VGLL4: variants seen among roughly 807,000 people sequenced by gnomAD.
VGLL4 encodes transcription cofactor vestigial-like protein 4.
VGLL4 carries 7 observed loss-of-function variants against 21.0 expected under a neutral mutation model. That is an observed-to-expected ratio of 0.33 (90% CI 0.19 to 0.63). The LOEUF is 0.63. Ranked by LOEUF, VGLL4 falls within the 20% of genes least tolerant of loss-of-function variation. The pLI is 0.78. For missense variants in VGLL4, 394 were observed against 425.7 expected (o/e 0.93, Z 0.66); for synonymous variants, 222 against 173.2 (o/e 1.28, Z -2.21).
chr3:11,568,436 C>T lies in VGLL4; in HGVS notation c.273-3417G>A, dbSNP rs906688976. 4.6e-5 allele frequency among the ~76,000 whole-genome samples: 7 copies of T among 152,234 alleles called. No homozygotes were observed. The highest frequency in any genetic ancestry group is 1.0e-4 in the Non-Finnish European group (7 of 68,028). On this transcript the variant is annotated intron_variant, in intron 2 of 4. Coordinates refer to ENST00000430365, the MANE Select transcript of VGLL4 (RefSeq NM_001128219.3). The surrounding 1 kb of genome is among the most constrained non-coding windows in gnomAD (Gnocchi z 5.9). ...CTCCCACAGCCCCACTGTGCGCCCACCCTACGCAGGGCAGCAGGGAGAAGG... is the reference window on the plus strand; with the variant it reads ...CTCCCACAGCCCCACTGTGCGCCCATCCTACGCAGGGCAGCAGGGAGAAGG...
At chr3:11,594,096 T>C (rs1198801601) in intron 2 of VGLL4, among the ~76,000 whole-genome samples, 3 of 152,220 alleles carry the variant, frequency 2.0e-5, no homozygotes, top group Non-Finnish European at 4.4e-5. Context: ...CAAGTCAACA[T>C]AAAATTATTT....
chr3:11,586,123 G>T (rs953712619), intron 2 of VGLL4, among the ~76,000 whole-genome samples: 3 of 152,110 alleles, frequency 2.0e-5, no homozygotes, highest in Admixed American at 6.5e-5. Context: ...GAATGTAAAA[G>T]AATTTTTTAA....
upstream of VGLL4, among the ~76,000 whole-genome samples, chr3:11,645,627 T>C (rs1336496569): frequency 7.0e-6 from 1 of 141,922 alleles, no homozygotes; most frequent in South Asian, 2.2e-4. Flanking sequence ...AATCCAGCAA[T>C]AGTTGCATTG....
In VGLL4 at chr3:11,656,597, G is replaced by T. The variant is rs1200814848; in HGVS notation, c.64+46374C>A. On this transcript the variant is annotated intron_variant, in intron 2 of 5. Transcript: ENST00000273038. ...CACTGGGGTGCAGTAGCTGAGGTCA[G>T]TAACTCCTATAGGGTCTGACAGTGT... Among the ~76,000 whole-genome samples the T allele has an allele frequency of 3.9e-5, 6 of 152,176 alleles. No individual in the cohort carries two copies. In the East Asian group the frequency reaches 1.2e-3, roughly 29 times the overall value.
Position 11,714,538 on chromosome 3 carries a change from AAAAAT to A in VGLL4, c.-14+5851_-14+5855del, listed in dbSNP as rs548729042. Among the ~76,000 whole-genome samples, 366 of 151,732 alleles carry A rather than the reference AAAAAT, an allele frequency of 2.4e-3. 4 individuals carry two copies. Among genetic ancestry groups the A allele is most frequent in the African/African-American group, 8.6e-3 (353 of 41,264 alleles). ...AAATCCCATTTCTACTAAAAATACA[AAAAAT>A]AAAATAAAATAAATAAATAAAAATA... On this transcript the variant is annotated intron_variant, in intron 1 of 5. Transcript: ENST00000273038.
At position 11,624,285 on chromosome 3, in the gene VGLL4, C is replaced by G. The variant is rs73814947; in HGVS notation, c.82+19152G>C. ...TTCCACTTTCACAACTGATCAATAC[C>G]AAGATCAGCCAACACCACATCAGAC... On this transcript the variant is annotated intron_variant, in intron 1 of 4. Coordinates refer to ENST00000430365, the MANE Select transcript of VGLL4 (RefSeq NM_001128219.3). Among the ~76,000 whole-genome samples, 471 of 152,266 alleles carry G rather than the reference C, an allele frequency of 3.1e-3. 3 individuals are homozygous for G. Among genetic ancestry groups the G allele is most frequent in the African/African-American group, 0.011 (438 of 41,538 alleles).
chr3:11,566,876 A>G (rs2073558235), intron 2 of VGLL4, among the ~76,000 whole-genome samples: 1 of 152,176 alleles, frequency 6.6e-6, no homozygotes, highest in South Asian at 2.1e-4. Flanking sequence ...AGGGGTGCAC[A>G]GAGACTTAAC....
chr3:11,651,392 G>C (rs1473223082), intron 2 of VGLL4, among the ~76,000 whole-genome samples: 1 of 150,456 alleles, frequency 6.6e-6, no homozygotes, highest in Non-Finnish European at 1.5e-5. Context: ...GTAAAACCTA[G>C]CATTGAGTAA....
intron 1 of VGLL4, among the ~76,000 whole-genome samples, chr3:11,615,043 G>C (rs946315233): frequency 3.9e-5 from 6 of 152,078 alleles, no homozygotes; most frequent in African/African-American, 1.4e-4. Context: ...TGTGATTTTT[G>C]AAAGTATTAA....
intron 2 of VGLL4, among the ~76,000 whole-genome samples, chr3:11,697,455 C>T (rs1385822765): frequency 6.6e-6 from 1 of 152,066 alleles, no homozygotes; most frequent in Non-Finnish European, 1.5e-5. Flanking sequence ...TCAAAAGCCA[C>T]AGTATTAGAT....
intron 1 of VGLL4, chr3:11,633,701 CAGAGG>C (rs1468208846): frequency 6.6e-6 from 1 of 152,174 alleles, no homozygotes; most frequent in Non-Finnish European, 1.5e-5. Context: ...GAAAAGAAGG[CAGAGG>C]AGAGGAGGGT....
intron 1 of VGLL4, among the ~76,000 whole-genome samples, chr3:11,622,819 C>T (rs1013157649): frequency 6.6e-6 from 1 of 152,190 alleles, no homozygotes; most frequent in South Asian, 2.1e-4. Flanking sequence ...TTTGATGGCA[C>T]GAGCTCTGTC....
intron 2 of VGLL4, among the ~76,000 whole-genome samples, chr3:11,601,547 C>T (rs1361113995): frequency 1.3e-5 from 2 of 152,174 alleles, no homozygotes; most frequent in Non-Finnish European, 2.9e-5. Context: ...GATGACTACT[C>T]GACTGCTCGC....
intron 2 of VGLL4, among the ~76,000 whole-genome samples, chr3:11,579,652 G>C (rs2616564): frequency 1 from 152,272 of 152,272 alleles, 76,136 homozygotes; most frequent in Non-Finnish European, 1. Flanking sequence ...CCCCAAACTC[G>C]TGAGTTGATG....
chr3:11,598,765 T>G (rs2074708697), intron 2 of VGLL4, among the ~76,000 whole-genome samples: 1 of 152,190 alleles, frequency 6.6e-6, no homozygotes, highest in South Asian at 2.1e-4. Context: ...GTGCTGGAAT[T>G]ACAGGCATGA....
intron 2 of VGLL4, among the ~76,000 whole-genome samples, chr3:11,690,130 T>TA (rs35558986): frequency 0.45 from 68,809 of 151,918 alleles, 18,354 homozygotes; most frequent in Non-Finnish European, 0.61. Context: ...TGGTGGTTGT[T>TA]AGTCACTGTA....
Position 11,643,562 on chromosome 3 carries a change from A to G in VGLL4, c.-44T>C, listed in dbSNP as rs1559919712. The G allele has an allele frequency of 1.2e-6, 2 of 1,613,214 alleles. No homozygotes were observed. Among genetic ancestry groups the G allele is most frequent in the Non-Finnish European group, 1.7e-6 (2 of 1,179,720 alleles). On this transcript the variant is annotated 5_prime_UTR_variant, in exon 1 of 5. Coordinates refer to ENST00000430365, the MANE Select transcript of VGLL4 (RefSeq NM_001128219.3). ...AAACCAGCTCTTTGCTTTTGCCCCA[A>G]AAGAGTTAAGTTTCAAAAATCAATT...
intron 2 of VGLL4, among the ~76,000 whole-genome samples, chr3:11,596,010 AAAAG>A (rs759864245): frequency 1.3e-4 from 20 of 152,240 alleles, no homozygotes; most frequent in Non-Finnish European, 2.5e-4. Context: ...AAAATAAAAA[AAAAG>A]AAAGAAGGGG....
chr3:11,585,432 T>TA (rs530121433), intron 2 of VGLL4, among the ~76,000 whole-genome samples: 8,401 of 134,908 alleles, frequency 0.062, 325 homozygotes, highest in African/African-American at 0.12. Flanking sequence ...GATTCCATCT[T>TA]AAAAAAAAAA....
Sources: gnomAD v4.1 joint callset for allele counts (sites outside exome capture counted in the v4.1 genomes callset) on GRCh38, gnomAD v4.1.1 for gene constraint, Gnocchi (gnomAD v3.1) non-coding constraint, MANE v1.5 for transcripts, NCBI Gene and HGNC (gene_info 2026-07-23, HGNC 2026-07-21) for gene names.